The following DNAH11 variants were observed in gnomAD, a reference collection of about 807,000 sequenced individuals.
DNAH11 encodes dynein axonemal heavy chain 11.
Under a neutral mutation model 526.0 loss-of-function variants are expected in DNAH11, and 442 were observed. That is an observed-to-expected ratio of 0.84 (90% CI 0.78 to 0.91). The LOEUF is 0.91. Ranked by LOEUF, DNAH11 falls within the 40% of genes least tolerant of loss-of-function variation. The pLI is 0.00. For synonymous variants in DNAH11, 2,461 were observed against 1,935.9 expected (o/e 1.27, Z -7.12); for missense variants, 6,989 against 5,448.7 (o/e 1.28, Z -8.90).
chr7:21,655,835 A>G lies in DNAH11; in HGVS notation c.4948A>G (p.Thr1650Ala). Residue 1650 changes from threonine (T) to alanine (A), a missense_variant, in exon 29 of 82, where the codon ACA becomes GCA. Thr to Ala is a moderately conservative substitution (Grantham distance 58). Coordinates refer to ENST00000409508, the MANE Select transcript of DNAH11 (RefSeq NM_001277115.2). ...TTTTCTAATATTCTCATTTTAGGTA[A>G]CATGTCACCTTGCCAAACTTTTCGA... is the stretch of plus-strand genomic sequence containing the variant. ...LSKGAQPKQV[T>A]CHLAKLFDSI... The G allele has an allele frequency of 6.2e-7, 1 of 1,612,504 alleles. No individual in the cohort carries two copies. The highest frequency in any genetic ancestry group is 1.1e-5 in the South Asian group (1 of 90,802).
intron 60 of DNAH11, 105 bp downstream of exon 60, chr7:21,787,688 G>A: frequency 2.0e-6 from 2 of 1,018,602 alleles, no homozygotes; most frequent in South Asian, 2.1e-5. Context: ...TTCATTTTCT[G>A]AATAAGGATA....
At chr7:21,731,789 T>G (rs944330297) in intron 45 of DNAH11, among the ~76,000 whole-genome samples, 2 of 152,296 alleles carry the variant, frequency 1.3e-5, no homozygotes, top group African/African-American at 4.8e-5. Context: ...CCACCGAGGA[T>G]GGTAACCATC....
intron 28 of DNAH11, among the ~76,000 whole-genome samples, chr7:21,649,727 G>A (rs1408531314): frequency 4.0e-5 from 6 of 150,022 alleles, no homozygotes; most frequent in African/African-American, 1.5e-4. Context: ...GTGCAATAGT[G>A]CAATCTGGAC....
chr7:21,641,188 C>A (rs776981280), intron 28 of DNAH11, among the ~76,000 whole-genome samples: 1 of 152,214 alleles, frequency 6.6e-6, no homozygotes, highest in South Asian at 2.1e-4. Context: ...AGATTCACTT[C>A]TTACTGGTGC....
chr7:21,584,087 CA>C (rs1784403327), intron 9 of DNAH11, among the ~76,000 whole-genome samples: 1 of 152,116 alleles, frequency 6.6e-6, no homozygotes, highest in African/African-American at 2.4e-5. Context: ...GGTATATACC[CA>C]AAGGATTATA....
chr7:21,572,754 C>T (rs1020052493), intron 8 of DNAH11, among the ~76,000 whole-genome samples: 1 of 152,130 alleles, frequency 6.6e-6, no homozygotes, highest in Non-Finnish European at 1.5e-5. Flanking sequence ...AAACTTAAGC[C>T]CTCTGAATTA....
chr7:21,760,342 T>G (rs772205402), intron 54 of DNAH11, among the ~76,000 whole-genome samples: 19 of 152,270 alleles, frequency 1.2e-4, no homozygotes, highest in Middle Eastern at 6.8e-3. Context: ...TAGATGAGTT[T>G]AGTGTAATCC....
At chr7:21,721,273 A>T (rs1784865639) in intron 44 of DNAH11, among the ~76,000 whole-genome samples, 2 of 152,152 alleles carry the variant, frequency 1.3e-5, no homozygotes, top group Non-Finnish European at 2.9e-5. Context: ...AACGTGGAAG[A>T]CATCACTCTT....
intron 54 of DNAH11, among the ~76,000 whole-genome samples, chr7:21,761,411 A>G (rs919256391): frequency 6.6e-6 from 1 of 151,418 alleles, no homozygotes; most frequent in Admixed American, 6.6e-5. Flanking sequence ...AAAATTCTCT[A>G]AAGTTTTCAT....
In DNAH11 at chr7:21,887,415, A is replaced by G. The variant is rs548105184; in HGVS notation, c.12507+3005A>G. On this transcript the variant is annotated intron_variant, in intron 76 of 81. Coordinates refer to ENST00000409508, the MANE Select transcript of DNAH11 (RefSeq NM_001277115.2). The stretch of plus-strand genomic sequence containing the variant: ...TAAGGTACCAGGTCACCTTAAAGTT[A>G]TCATATAATACAAACTATTTTAGTA... Among the ~76,000 whole-genome samples, 23 of 152,390 alleles carry G rather than the reference A, an allele frequency of 1.5e-4. No homozygotes were observed. In the South Asian group the frequency reaches 3.3e-3, roughly 22 times the overall value.
At position 21,868,843 on chromosome 7, in the gene DNAH11, C is replaced by T. The variant is rs555120539; in HGVS notation, c.11840-21C>T. On this transcript the variant is annotated intron_variant, in intron 72 of 81. Transcript: ENST00000409508. Reference sequence around the variant, plus strand: ...CCTCCTTCATAGACATTTCCTCTCACCGTGGTGTATTCTCCCACAGGCAAA... The same window carrying T: ...CCTCCTTCATAGACATTTCCTCTCATCGTGGTGTATTCTCCCACAGGCAAA... The T allele has an allele frequency of 1.1e-5, 17 of 1,613,742 alleles. No individual in the cohort carries two copies. In the African/African-American group the frequency reaches 1.7e-4, roughly 16 times the overall value.
At chr7:21,613,801 G>A (rs1785641612) in intron 20 of DNAH11, among the ~76,000 whole-genome samples, 1 of 152,060 alleles carries the variant, frequency 6.6e-6, no homozygotes, top group African/African-American at 2.4e-5. Context: ...GTCTCACTCT[G>A]ACCAGGCTGT....
intron 48 of DNAH11, among the ~76,000 whole-genome samples, chr7:21,741,157 T>C (rs1479680973): frequency 6.6e-6 from 1 of 152,250 alleles, no homozygotes; most frequent in Non-Finnish European, 1.5e-5. Flanking sequence ...CTATAAATTT[T>C]GCCTTTTCCA....
At chr7:21,662,986 T>A (rs1782293844) in intron 30 of DNAH11, among the ~76,000 whole-genome samples, 1 of 152,012 alleles carries the variant, frequency 6.6e-6, no homozygotes, top group Non-Finnish European at 1.5e-5. Flanking sequence ...TACCACCCCC[T>A]AATGATTCCC....
At chr7:21,868,100 GTTTCT>G in intron 72 of DNAH11, 93 bp downstream of exon 72, 1 of 920,212 alleles carries the variant, frequency 1.1e-6, no homozygotes, top group Non-Finnish European at 1.4e-6. Context: ...AGTGATCTTA[GTTTCT>G]TTTTTTTTTT....
At chr7:21,581,155 T>C (rs1441926172) in intron 8 of DNAH11, among the ~76,000 whole-genome samples, 1 of 152,250 alleles carries the variant, frequency 6.6e-6, no homozygotes, top group African/African-American at 2.4e-5. Context: ...GTGAGAAATC[T>C]GTGGTGTGTA....
At chr7:21,781,246 A>G (rs936965419) in intron 57 of DNAH11, among the ~76,000 whole-genome samples, 1 of 152,226 alleles carries the variant, frequency 6.6e-6, no homozygotes, top group Non-Finnish European at 1.5e-5. Context: ...CAAAGTACAC[A>G]GCCACGTTTA....
Position 21,564,204 on chromosome 7 carries a change from A to G in DNAH11, c.1001A>G (p.Asp334Gly). Residue 334 changes from aspartate to glycine, a missense_variant, in exon 6 of 82, where the codon GAT (aspartate) becomes GGT (glycine). Transcript: ENST00000409508. ...CTTTCAGCTCTTCTCGAAGCCCAAG[A>G]TGTGGAACTTTACCTGAGACCTCTG... is the stretch of plus-strand genomic sequence containing the variant. ...AVENALLEAQ[D>G]VELYLRPLRR... 6.3e-7 allele frequency: 1 copy of G among 1,598,936 alleles called. No homozygotes were observed. Among genetic ancestry groups the G allele is most frequent in the Non-Finnish European group, 8.5e-7 (1 of 1,173,122 alleles).
chr7:21,796,988 A>T (rs994874949), intron 61 of DNAH11, among the ~76,000 whole-genome samples: 6 of 152,154 alleles, frequency 3.9e-5, no homozygotes, highest in African/African-American at 1.4e-4. Context: ...ATGGTAGAGA[A>T]GAACAAAGAA....
Sources: gnomAD v4.1 joint callset for allele counts (sites outside exome capture counted in the v4.1 genomes callset) on GRCh38, gnomAD v4.1.1 for gene constraint, MANE v1.5 for transcripts, NCBI Gene and HGNC (gene_info 2026-07-23, HGNC 2026-07-21) for gene names.